DOP1A: variants seen among roughly 807,000 people sequenced by gnomAD.
DOP1A encodes the protein DOP1 leucine zipper like protein A.
In DOP1A, 90 loss-of-function variants were observed where a neutral mutation model predicts 267.6. The ratio of observed to expected loss-of-function variants is 0.34; its 90% CI spans 0.28 to 0.40. The LOEUF (loss-of-function observed/expected upper bound fraction) is 0.40, where lower values mean the gene tolerates loss of function less well. Among genes scored for constraint, DOP1A ranks in the 10% least tolerant of loss-of-function variants. The pLI is 1.00. For synonymous variants in DOP1A, 932 were observed against 999.1 expected (o/e 0.93, Z 1.27); for missense variants, 2,437 against 2,900.4 (o/e 0.84, Z 3.67).
intron 1 of DOP1A, among the ~76,000 whole-genome samples, chr6:83,070,428 A>G (rs1032904416): frequency 1.3e-5 from 2 of 152,186 alleles, no homozygotes; most frequent in African/African-American, 4.8e-5. Flanking sequence ...GGTCAATTAT[A>G]TAGTATCAAA....
rs748384242 is a variant in DOP1A at position 83,102,862 on chromosome 6, A to T, written c.320+1976A>T. The stretch of plus-strand genomic sequence containing the variant: ...GTGACCTCAACTCTTAATAAACTAA[A>T]ACTAAACTATTATTCTTTTCCCCCC... On this transcript the variant is annotated intron_variant, in intron 4 of 38. Coordinates refer to ENST00000349129, the MANE Select transcript of DOP1A (RefSeq NM_015018.4). 3.2e-4 allele frequency among the ~76,000 whole-genome samples: 49 copies of T among 152,196 alleles called. 1 individual carries two copies. Among genetic ancestry groups the T allele is most frequent in the Non-Finnish European group, 6.3e-4 (43 of 68,000 alleles).
At chr6:83,118,573 GTGTC>G (rs1436700022) in intron 7 of DOP1A, among the ~76,000 whole-genome samples, 1 of 152,100 alleles carries the variant, frequency 6.6e-6, no homozygotes, top group Non-Finnish European at 1.5e-5. Flanking sequence ...TCATTTTCTT[GTGTC>G]TGTCCCATCT....
chr6:83,170,198 AAAAT>A (rs1786800664), downstream of DOP1A: 2 of 1,028,236 alleles, frequency 1.9e-6, no homozygotes, highest in African/African-American at 3.2e-5. Context: ...AAGGCTCAAC[AAAAT>A]AAAGCCTTAA....
At chr6:83,140,555 G>T in intron 23 of DOP1A, 152 bp downstream of exon 23, 1 of 669,498 alleles carries the variant, frequency 1.5e-6, no homozygotes, top group South Asian at 2.6e-5. Flanking sequence ...TATGGCTGAC[G>T]TATCATAGAA....
chr6:83,155,845 C>G, intron 33 of DOP1A, 106 bp from the exon 34 acceptor site: 1 of 1,345,452 alleles, frequency 7.4e-7, no homozygotes, highest in Admixed American at 2.4e-5. Flanking sequence ...GTACCCCAAG[C>G]TCCTCTCAGT....
chr6:83,127,853 G>A (rs1021423338), intron 15 of DOP1A, among the ~76,000 whole-genome samples: 6 of 152,136 alleles, frequency 3.9e-5, no homozygotes, highest in African/African-American at 1.4e-4. Context: ...AATCCTCATA[G>A]CAATTGTAAA....
Position 83,159,840 on chromosome 6 carries a change from G to C in DOP1A, c.6842G>C (p.Gly2281Ala). The change falls in exon 37 of 39, where the codon GGA becomes GCA. Residue 2281 changes from glycine (G) to alanine (A), a missense_variant. Gly to Ala is a moderately conservative substitution (Grantham distance 60). This residue lies in a region of DOP1A where 197 missense variants were observed against 246.5 expected (regional missense o/e 0.80). Transcript: ENST00000349129. ...SVAGLETTYTGGNGFSTSYNS... is the reference protein window; with the variant it reads ...SVAGLETTYTAGNGFSTSYNS... Reference sequence around the variant, plus strand: ...GCTGGTCTGGAGACAACGTACACAGGAGGTAATGGCTTCTCTACTTCATAT... The same window carrying C: ...GCTGGTCTGGAGACAACGTACACAGCAGGTAATGGCTTCTCTACTTCATAT... 6.2e-7 allele frequency: 1 copy of C among 1,614,154 alleles called. No individual in the cohort carries two copies. Among genetic ancestry groups the C allele is most frequent in the Non-Finnish European group, 8.5e-7 (1 of 1,180,042 alleles).
chr6:83,129,230 T>A lies in DOP1A; in HGVS notation c.2063T>A (p.Leu688His). 6.2e-7 allele frequency: 1 copy of A among 1,613,630 alleles called. No homozygotes were observed. The highest frequency in any genetic ancestry group is 8.5e-7 in the Non-Finnish European group (1 of 1,179,822). Residue 688 changes from leucine (L) to histidine (H), a missense_variant, in exon 16 of 39, where the codon CTT becomes CAT. Leu to His is a moderately conservative substitution (Grantham distance 99, BLOSUM62 -3). Transcript: ENST00000349129. ...LEYVQQFLTRLINLYIIQNNS... is the reference protein window; with the variant it reads ...LEYVQQFLTRHINLYIIQNNS... ...TATGTCCAACAGTTTCTTACCAGACTTATCAACCTCTACATCATTCAGAAT... is the reference window on the plus strand; with the variant it reads ...TATGTCCAACAGTTTCTTACCAGACATATCAACCTCTACATCATTCAGAAT...
In DOP1A at chr6:83,121,929, G is replaced by T; in HGVS notation, c.1100-1G>T. The T allele has an allele frequency of 6.3e-7, 1 of 1,591,094 alleles. No homozygotes were observed. The highest frequency in any genetic ancestry group is 1.7e-4 in the Middle Eastern group (1 of 5,974). On this transcript the variant is annotated splice_acceptor_variant, in intron 10 of 38. Transcript: ENST00000349129. LOFTEE classifies it high-confidence loss of function. ...GTCTTTAATTTGAATATTAATTTTA[G>T]GACCTGTAATTCTAGAAGATGTCCT... is the stretch of plus-strand genomic sequence containing the variant.
chr6:83,125,025 C>T, intron 13 of DOP1A, 141 bp from the exon 14 acceptor site: 2 of 855,962 alleles, frequency 2.3e-6, no homozygotes, highest in Non-Finnish European at 3.6e-6. Flanking sequence ...TTCATAATTG[C>T]ATGTTATAAA....
At position 83,135,656 on chromosome 6, in the gene DOP1A, G is replaced by T; in HGVS notation, c.2908G>T (p.Asp970Tyr). Residue 970 changes from aspartate to tyrosine, a missense_variant, in exon 20 of 39, where the codon GAT becomes TAT. Coordinates refer to ENST00000349129, the MANE Select transcript of DOP1A (RefSeq NM_015018.4). ...FIMLDSLNSL[D>Y]GSTSSVGQAW... is the part of the protein sequence containing the mutation. The stretch of plus-strand genomic sequence containing the variant: ...CATGTTAGATAGCCTTAACAGTCTC[G>T]ATGGTTCTACTAGCTCTGTGGGACA... The T allele has an allele frequency of 1.2e-6, 2 of 1,613,430 alleles. No individual in the cohort carries two copies. Among genetic ancestry groups the T allele is most frequent in the Non-Finnish European group, 1.7e-6 (2 of 1,179,588 alleles).
chr6:83,115,414 G>A (rs556530396), intron 7 of DOP1A, among the ~76,000 whole-genome samples: 8 of 152,266 alleles, frequency 5.3e-5, no homozygotes, highest in African/African-American at 1.9e-4. Context: ...TGTACTCTGA[G>A]CAGTTTTTAA....
chr6:83,084,834 G>T (rs1353870069), intron 1 of DOP1A, among the ~76,000 whole-genome samples: 2 of 151,544 alleles, frequency 1.3e-5, no homozygotes, highest in Non-Finnish European at 2.9e-5. Context: ...CAAGTGATCT[G>T]CCTGCCTTGG....
In DOP1A at chr6:83,096,951, T is replaced by C; in HGVS notation, c.-27T>C. 1 of 1,610,870 alleles carries C rather than the reference T, an allele frequency of 6.2e-7. No homozygotes were observed. Among genetic ancestry groups the C allele is most frequent in the Non-Finnish European group, 8.5e-7 (1 of 1,178,666 alleles). On this transcript the variant is annotated 5_prime_UTR_variant, in exon 3 of 39. Transcript: ENST00000349129. ...TAATGACTTTACATGAGTTTGGAAC[T>C]GGTCTCTAGTGGGAAGTTGTGGGAG...
At chr6:83,103,195 A>ATT (rs1772923955) in intron 4 of DOP1A, among the ~76,000 whole-genome samples, 4 of 152,234 alleles carry the variant, frequency 2.6e-5, no homozygotes, top group African/African-American at 4.8e-5. Context: ...AGTAACCTGA[A>ATT]TGGAATTGGA....
At chr6:83,147,125 C>T in intron 25 of DOP1A, 111 bp from the exon 26 acceptor site, 1 of 448,752 alleles carries the variant, frequency 2.2e-6, no homozygotes. Flanking sequence ...TGATTTTGTT[C>T]TTTCAATTTT....
intron 28 of DOP1A, 27 bp from the exon 29 acceptor site, chr6:83,151,856 C>T (rs2128333072): frequency 6.2e-7 from 1 of 1,609,232 alleles, no homozygotes; most frequent in East Asian, 2.2e-5. Context: ...GTGTACCATA[C>T]ATAGTTGTTC....
rs1469539689 is a variant in DOP1A at position 83,137,251 on chromosome 6, T to C, written c.3209T>C (p.Leu1070Pro). The C allele has an allele frequency of 2.5e-6, 4 of 1,612,146 alleles. No homozygotes were observed. The highest frequency in any genetic ancestry group is 3.4e-6 in the Non-Finnish European group (4 of 1,178,884). Residue 1070 changes from leucine to proline, a missense_variant, in exon 21 of 39, where the codon CTC becomes CCC. Physicochemically the swap from Leu to Pro is moderately conservative, Grantham distance 98 (BLOSUM62 -3). Coordinates refer to ENST00000349129, the MANE Select transcript of DOP1A (RefSeq NM_015018.4). ...ATGGATGAAATAGAGAACTTTAGTC[T>C]CACTGTGAATCCATTAAGTGACAGA... ...LTMDEIENFS[L>P]TVNPLSDRLS...
intron 1 of DOP1A, among the ~76,000 whole-genome samples, chr6:83,095,602 C>T (rs921334804): frequency 6.6e-6 from 1 of 152,088 alleles, no homozygotes; most frequent in African/African-American, 2.4e-5. Flanking sequence ...TAAGTAGAAC[C>T]TTAATTCAAT....
Sources: allele counts gnomAD v4.1 joint callset (sites outside exome capture counted in the v4.1 genomes callset), GRCh38; gene constraint gnomAD v4.1.1; regional missense constraint gnomAD v4.1.1; transcripts MANE v1.5; gene names NCBI Gene and HGNC (gene_info 2026-07-23, HGNC 2026-07-21).